Variants in NELL2 observed in about 807,000 individuals in gnomAD.
NELL2 encodes the protein protein kinase C-binding protein NELL2.
Under a neutral mutation model 109.6 loss-of-function variants are expected in NELL2, and 41 were observed. The observed-to-expected ratio is 0.37, with a 90% CI of 0.29 to 0.49. The LOEUF (loss-of-function observed/expected upper bound fraction) is 0.49. Among genes scored for constraint, NELL2 ranks in the 20% least tolerant of loss-of-function variants. The pLI, the probability that NELL2 is intolerant of heterozygous loss-of-function variation, is 0.98. For synonymous variants in NELL2, 355 were observed against 344.7 expected (o/e 1.03, Z -0.33); for missense variants, 900 against 1,008.3 (o/e 0.89, Z 1.45).
chr12:44,687,616 G>A (rs1333256982), intron 12 of NELL2, among the ~76,000 whole-genome samples: 1 of 152,116 alleles, frequency 6.6e-6, no homozygotes. Context: ...GAAAGCAAAA[G>A]GAATGCTAAG....
At chr12:44,615,131 A>G (rs1945773692) in intron 13 of NELL2, among the ~76,000 whole-genome samples, 1 of 152,088 alleles carries the variant, frequency 6.6e-6, no homozygotes. Context: ...TAGAGAAGTA[A>G]CACTGCTTAC....
At position 44,875,988 on chromosome 12, in the gene NELL2, C is replaced by G. The variant is rs993486469; in HGVS notation, c.-119G>C. 6.4e-7 allele frequency: 1 copy of G among 1,560,488 alleles called. No individual in the cohort carries two copies. The highest frequency in any genetic ancestry group is 8.6e-7 in the Non-Finnish European group (1 of 1,160,212). On this transcript the variant is annotated 5_prime_UTR_variant, in exon 1 of 20. Transcript: ENST00000429094. ...CTCTCCTGCTGCTGCCTCGGATTTA[C>G]TGATCAGTAGGATTAATACGCTTTG...
At position 44,549,070 on chromosome 12, in the gene NELL2, T is replaced by C. The variant is rs572919651; in HGVS notation, c.1664-16349A>G. Among the ~76,000 whole-genome samples the C allele has an allele frequency of 2.0e-5, 3 of 152,336 alleles. No individual in the cohort carries two copies. In the South Asian group the frequency reaches 6.2e-4, roughly 32 times the overall value. On this transcript the variant is annotated intron_variant, in intron 15 of 19. Transcript: ENST00000429094. ...GGCAAGGATAATTAATGATAAATTC[T>C]ACTATGTTGGCTGTAAATTTTTCTA...
intron 15 of NELL2, among the ~76,000 whole-genome samples, chr12:44,556,796 G>A (rs1943274182): frequency 6.6e-6 from 1 of 152,194 alleles, no homozygotes; most frequent in African/African-American, 2.4e-5. Flanking sequence ...AGATAGACAA[G>A]CTGGTAAAGG....
chr12:44,719,342 T>G (rs1410503735), intron 9 of NELL2, among the ~76,000 whole-genome samples: 1 of 152,198 alleles, frequency 6.6e-6, no homozygotes, highest in Non-Finnish European at 1.5e-5. Flanking sequence ...TGCAGTTTCC[T>G]CTAATGAGAT....
chr12:44,692,322 G>T (rs1478631694), intron 12 of NELL2, among the ~76,000 whole-genome samples: 7 of 152,100 alleles, frequency 4.6e-5, no homozygotes, highest in Admixed American at 4.6e-4. Flanking sequence ...TTTTACTAAA[G>T]ATTTAAAGTC....
chr12:44,629,127 G>T (rs1566047821), intron 13 of NELL2, among the ~76,000 whole-genome samples: 1 of 152,086 alleles, frequency 6.6e-6, no homozygotes, highest in Non-Finnish European at 1.5e-5. Flanking sequence ...TGAACTATGG[G>T]TGAGAATCAT....
At chr12:44,844,579 C>T (rs140924835) in intron 2 of NELL2, among the ~76,000 whole-genome samples, 8 of 152,268 alleles carry the variant, frequency 5.3e-5, no homozygotes, top group African/African-American at 1.7e-4. Context: ...CACAAACATG[C>T]TCGAATTTTT....
chr12:44,687,946 T>C (rs1349142536), intron 12 of NELL2, among the ~76,000 whole-genome samples: 2 of 152,216 alleles, frequency 1.3e-5, no homozygotes, highest in East Asian at 1.9e-4. Flanking sequence ...TCACATAAGA[T>C]ACCTGCAACT....
chr12:44,799,537 C>T (rs985235188), intron 3 of NELL2, among the ~76,000 whole-genome samples: 3 of 152,048 alleles, frequency 2.0e-5, no homozygotes, highest in African/African-American at 2.4e-5. Context: ...CTCTTTCCTT[C>T]TTTCCAAAAC....
intron 15 of NELL2, among the ~76,000 whole-genome samples, chr12:44,554,560 A>C (rs1230535176): frequency 2.0e-5 from 3 of 152,204 alleles, no homozygotes; most frequent in African/African-American, 7.2e-5. Context: ...TGTATAACAT[A>C]TATTAAAACT....
At chr12:44,642,486 T>G (rs1333206041) in intron 13 of NELL2, among the ~76,000 whole-genome samples, 1 of 152,148 alleles carries the variant, frequency 6.6e-6, no homozygotes, top group Non-Finnish European at 1.5e-5. Context: ...AATGGGAAGT[T>G]TCTGTTCAAT....
chr12:44,713,470 C>T (rs891621654), intron 10 of NELL2, among the ~76,000 whole-genome samples: 9 of 151,844 alleles, frequency 5.9e-5, no homozygotes, highest in South Asian at 2.1e-4. Context: ...CCACTTAAAA[C>T]GGCATTGGTG....
At chr12:44,634,020 T>C (rs1470413488) in intron 13 of NELL2, among the ~76,000 whole-genome samples, 1 of 152,174 alleles carries the variant, frequency 6.6e-6, no homozygotes, top group Non-Finnish European at 1.5e-5. Flanking sequence ...TTTTTATATG[T>C]AACTGACACT....
At chr12:44,539,952 GCAGGAGTGCCAGTCTGAAAGCATACA>G (rs1942473309) in intron 15 of NELL2, among the ~76,000 whole-genome samples, 1 of 152,134 alleles carries the variant, frequency 6.6e-6, no homozygotes, top group Non-Finnish European at 1.5e-5. Context: ...GGGAATGAAG[GCAGGAGTGCCAGTCTGAAAGCATACA>G]CTAAGACAAA....
intron 2 of NELL2, among the ~76,000 whole-genome samples, chr12:44,873,527 A>G (rs1441009345): frequency 1.3e-5 from 2 of 152,154 alleles, no homozygotes; most frequent in African/African-American, 4.8e-5. Flanking sequence ...TTTGTGACAG[A>G]TCAGACACTC....
chr12:44,821,457 A>T (rs1943540823), intron 2 of NELL2, among the ~76,000 whole-genome samples: 1 of 152,206 alleles, frequency 6.6e-6, no homozygotes, highest in Admixed American at 6.5e-5. Flanking sequence ...ATAAGATAAC[A>T]TTTTTAGTTC....
intron 3 of NELL2, among the ~76,000 whole-genome samples, chr12:44,803,785 C>T (rs984075666): frequency 6.6e-6 from 1 of 151,846 alleles, no homozygotes; most frequent in East Asian, 1.9e-4. Flanking sequence ...TCAATTCAGA[C>T]ACAAATAACT....
In NELL2 at chr12:44,876,119, G is replaced by C; in HGVS notation, c.-250C>G. ...CAGGGCCGAGGCGGCAGCGCGGCCCGGAGGGGGCCCGGAGGGAGGGGTCGG... is the reference window on the plus strand; with the variant it reads ...CAGGGCCGAGGCGGCAGCGCGGCCCCGAGGGGGCCCGGAGGGAGGGGTCGG... On this transcript the variant is annotated 5_prime_UTR_variant, in exon 1 of 20. Transcript: ENST00000429094. The C allele has an allele frequency of 9.1e-6, 12 of 1,317,246 alleles. No individual in the cohort carries two copies. Among genetic ancestry groups the C allele is most frequent in the Non-Finnish European group, 1.2e-5 (12 of 1,033,470 alleles). 81.6% of individuals were successfully genotyped at this position (1,317,246 alleles called of 1,614,324 possible).
Sources: gnomAD v4.1 joint callset for allele counts (sites outside exome capture counted in the v4.1 genomes callset) on GRCh38, gnomAD v4.1.1 for gene constraint, MANE v1.5 for transcripts, NCBI Gene and HGNC (gene_info 2026-07-23, HGNC 2026-07-21) for gene names.